UNC5D: variants seen among roughly 807,000 people sequenced by gnomAD.
UNC5D encodes the protein unc-5 netrin receptor D.
UNC5D carries 39 observed loss-of-function variants against 105.4 expected under a neutral mutation model. The observed-to-expected ratio is 0.37, with a 90% CI of 0.29 to 0.48. UNC5D has a LOEUF of 0.48. Among genes scored for constraint, UNC5D ranks in the 20% least tolerant of loss-of-function variants. The pLI is 0.98. For missense variants in UNC5D, 991 were observed against 1,202.4 expected (o/e 0.82, Z 2.60); for synonymous variants, 452 against 450.4 (o/e 1.00, Z -0.04).
chr8:35,701,639 T>TC (rs1827205926), intron 7 of UNC5D, among the ~76,000 whole-genome samples: 1 of 151,784 alleles, frequency 6.6e-6, no homozygotes, highest in East Asian at 1.9e-4. Flanking sequence ...GATATATACC[T>TC]CCCCCCTCAT....
chr8:35,371,205 A>C (rs1054584709), intron 1 of UNC5D, among the ~76,000 whole-genome samples: 2 of 148,846 alleles, frequency 1.3e-5, no homozygotes, highest in Non-Finnish European at 3.0e-5. Flanking sequence ...CACACACACA[A>C]AGTTTTTCAG....
chr8:35,776,183 C>T (rs1403698825), intron 16 of UNC5D, among the ~76,000 whole-genome samples: 2 of 152,212 alleles, frequency 1.3e-5, no homozygotes, highest in East Asian at 3.8e-4. Flanking sequence ...CAATACCAGT[C>T]TGCCTAAATG....
chr8:35,271,686 TAC>T (rs1483503486), intron 1 of UNC5D, among the ~76,000 whole-genome samples: 2 of 9,152 alleles, frequency 2.2e-4, no homozygotes, highest in East Asian at 0.1. Flanking sequence ...TATATATGTA[TAC>T]ATGTATACAT....
chr8:35,245,609 A>G (rs1384281805), intron 1 of UNC5D, among the ~76,000 whole-genome samples: 1 of 152,270 alleles, frequency 6.6e-6, no homozygotes, highest in East Asian at 1.9e-4. Flanking sequence ...TTTATTTTTC[A>G]ACTTAGAGCA....
intron 1 of UNC5D, among the ~76,000 whole-genome samples, chr8:35,293,202 G>A (rs1223298852): frequency 6.6e-6 from 1 of 152,152 alleles, no homozygotes; most frequent in Non-Finnish European, 1.5e-5. Flanking sequence ...GGAAGTAGAA[G>A]GGGAGGCAGG....
At chr8:35,356,863 A>G (rs1801586670) in intron 1 of UNC5D, among the ~76,000 whole-genome samples, 3 of 152,180 alleles carry the variant, frequency 2.0e-5, no homozygotes, top group Non-Finnish European at 2.9e-5. Flanking sequence ...CATCAACAGC[A>G]TAGATCCACT....
intron 4 of UNC5D, among the ~76,000 whole-genome samples, chr8:35,648,460 C>T (rs1453330371): frequency 6.6e-6 from 1 of 152,012 alleles, no homozygotes; most frequent in Non-Finnish European, 1.5e-5. Context: ...GGGCAGATCA[C>T]CTGAGGTCAG....
At chr8:35,362,290 A>C (rs1801897015) in intron 1 of UNC5D, among the ~76,000 whole-genome samples, 1 of 152,054 alleles carries the variant, frequency 6.6e-6, no homozygotes, top group African/African-American at 2.4e-5. Flanking sequence ...TGGAATTAGA[A>C]CTCTTTAAGT....
intron 2 of UNC5D, among the ~76,000 whole-genome samples, chr8:35,551,647 G>T (rs563190866): frequency 2.0e-5 from 3 of 152,042 alleles, no homozygotes; most frequent in East Asian, 3.9e-4. Flanking sequence ...GTGAAACCCT[G>T]TCTCTAATAA....
chr8:35,413,292 T>TTGTG (rs1554525296), intron 1 of UNC5D, among the ~76,000 whole-genome samples: 48,532 of 127,740 alleles, frequency 0.38, 10,182 homozygotes, highest in Middle Eastern at 0.52. Flanking sequence ...TGTGTGTGTG[T>TTGTG]TGTGTGTGTG....
chr8:35,247,414 A>G (rs979616477), intron 1 of UNC5D, among the ~76,000 whole-genome samples: 21 of 146,842 alleles, frequency 1.4e-4, no homozygotes, highest in Middle Eastern at 3.5e-3. Flanking sequence ...AGGGTGCCTT[A>G]AGTCTTAATC....
chr8:35,654,123 T>C (rs1216754920), intron 4 of UNC5D, among the ~76,000 whole-genome samples: 1 of 152,238 alleles, frequency 6.6e-6, no homozygotes, highest in Non-Finnish European at 1.5e-5. Flanking sequence ...TTTCCTATTA[T>C]ATGAATTTCC....
chr8:35,449,359 T>C (rs1789348866), intron 1 of UNC5D, among the ~76,000 whole-genome samples: 1 of 152,156 alleles, frequency 6.6e-6, no homozygotes, highest in East Asian at 1.9e-4. Flanking sequence ...CTCTCTGTTA[T>C]TGAGCTTCTG....
chr8:35,585,223 A>G (rs1269243764), intron 3 of UNC5D, among the ~76,000 whole-genome samples: 3 of 152,210 alleles, frequency 2.0e-5, no homozygotes, highest in Non-Finnish European at 4.4e-5. Flanking sequence ...ATTACAGAGC[A>G]CAAGGGATCT....
At chr8:35,469,197 A>G (rs1371432383) in intron 1 of UNC5D, among the ~76,000 whole-genome samples, 1 of 152,208 alleles carries the variant, frequency 6.6e-6, no homozygotes, top group East Asian at 1.9e-4. Context: ...ATCAGGAGGA[A>G]GTATACTTAT....
intron 1 of UNC5D, among the ~76,000 whole-genome samples, chr8:35,276,684 A>G (rs1448338940): frequency 1.3e-5 from 2 of 152,158 alleles, no homozygotes; most frequent in Non-Finnish European, 2.9e-5. Context: ...TTTTTGCATG[A>G]TATAGTGTGG....
At chr8:35,611,786 T>G (rs983420546) in intron 4 of UNC5D, among the ~76,000 whole-genome samples, 1 of 152,210 alleles carries the variant, frequency 6.6e-6, no homozygotes, top group Non-Finnish European at 1.5e-5. Context: ...TTTGCTCTTT[T>G]CAAAACAATT....
At chr8:35,473,771 G>A (rs913285082) in intron 1 of UNC5D, among the ~76,000 whole-genome samples, 9 of 152,162 alleles carry the variant, frequency 5.9e-5, no homozygotes, top group African/African-American at 9.7e-5. Flanking sequence ...TATTTATGGG[G>A]TGTGTGTAGA....
intron 1 of UNC5D, among the ~76,000 whole-genome samples, chr8:35,277,525 C>G (rs1314095684): frequency 1.3e-5 from 2 of 152,252 alleles, no homozygotes; most frequent in East Asian, 3.9e-4. Flanking sequence ...TAATCTTCAT[C>G]TCTTTATTCT....
Sources: allele counts gnomAD v4.1 joint callset (sites outside exome capture counted in the v4.1 genomes callset), GRCh38; gene constraint gnomAD v4.1.1; transcripts MANE v1.5; gene names NCBI Gene and HGNC (gene_info 2026-07-23, HGNC 2026-07-21).